TRAPPC12: variants seen among roughly 807,000 people sequenced by gnomAD.
TRAPPC12 encodes the protein TPR repeat protein 15.
Under a neutral mutation model 69.2 loss-of-function variants are expected in TRAPPC12, and 61 were observed. The ratio of observed to expected loss-of-function variants is 0.88; its 90% confidence interval spans 0.72 to 1.09. TRAPPC12 has a LOEUF of 1.09. TRAPPC12 is among the 50% of genes least tolerant of loss of function. The pLI, the probability that TRAPPC12 is intolerant of heterozygous loss-of-function variation, is 0.00. For synonymous variants in TRAPPC12, 469 were observed against 438.9 expected (o/e 1.07, Z -0.86); for missense variants, 1,101 against 1,016.4 (o/e 1.08, Z -1.13).
chr2:3,471,062 A>G (rs898547950), intron 9 of TRAPPC12, among the ~76,000 whole-genome samples: 35 of 152,192 alleles, frequency 2.3e-4, no homozygotes. Context: ...GACCACACCA[A>G]CAGTTGCCCG....
intron 1 of TRAPPC12, among the ~76,000 whole-genome samples, chr2:3,384,787 G>A (rs551682307): frequency 1.3e-4 from 20 of 152,316 alleles, no homozygotes; most frequent in African/African-American, 4.3e-4. Context: ...ATTGGGTCAT[G>A]TGTCTTTTTT....
At chr2:3,434,238 A>T in intron 5 of TRAPPC12, among the ~76,000 whole-genome samples, 1 of 152,208 alleles carries the variant, frequency 6.6e-6, no homozygotes, top group African/African-American at 2.4e-5. Flanking sequence ...GGAGCTGCTG[A>T]GTAAATGTCA....
At chr2:3,403,457 C>T (rs1195008283) in intron 3 of TRAPPC12, among the ~76,000 whole-genome samples, 1 of 152,130 alleles carries the variant, frequency 6.6e-6, no homozygotes, top group African/African-American at 2.4e-5. Flanking sequence ...TCTTGAACTC[C>T]TGACCTCAGG....
chr2:3,471,174 C>T (rs189639015), intron 9 of TRAPPC12, among the ~76,000 whole-genome samples: 7 of 152,318 alleles, frequency 4.6e-5, no homozygotes, highest in African/African-American at 9.6e-5. Context: ...TATTTCAAAA[C>T]GTATTCTACT....
intron 6 of TRAPPC12, among the ~76,000 whole-genome samples, chr2:3,447,588 A>G (rs1483219323): frequency 6.6e-6 from 1 of 151,876 alleles, no homozygotes; most frequent in Non-Finnish European, 1.5e-5. Flanking sequence ...TGAGGGATCC[A>G]CCCCCAGGAC....
intron 9 of TRAPPC12, among the ~76,000 whole-genome samples, chr2:3,466,894 A>G (rs1665839010): frequency 2.0e-5 from 3 of 152,164 alleles, no homozygotes; most frequent in Non-Finnish European, 4.4e-5. Context: ...AGGCTGCCTC[A>G]TGTGTAACAT....
chr2:3,394,241 A>C (rs963145691), intron 2 of TRAPPC12, among the ~76,000 whole-genome samples: 1 of 152,156 alleles, frequency 6.6e-6, no homozygotes, highest in African/African-American at 2.4e-5. Context: ...GGGTTTAGTC[A>C]CTTGGCCACA....
At chr2:3,422,519 T>G (rs1000172997) in intron 4 of TRAPPC12, among the ~76,000 whole-genome samples, 8 of 152,230 alleles carry the variant, frequency 5.3e-5, no homozygotes, top group African/African-American at 2.4e-5. Context: ...CGTTGATACA[T>G]TCTTACCTTT....
chr2:3,412,817 G>C (rs908639353), intron 3 of TRAPPC12, among the ~76,000 whole-genome samples: 1 of 152,104 alleles, frequency 6.6e-6, no homozygotes, highest in Non-Finnish European at 1.5e-5. Context: ...TTTTAGACCT[G>C]GTCAGCACAC....
intron 5 of TRAPPC12, among the ~76,000 whole-genome samples, chr2:3,439,062 G>A (rs1358623373): frequency 6.6e-6 from 1 of 152,114 alleles, no homozygotes; most frequent in Non-Finnish European, 1.5e-5. Context: ...GCTTTCCTAA[G>A]AGCAATCAAT....
chr2:3,442,848 C>A (rs986308552), intron 5 of TRAPPC12, among the ~76,000 whole-genome samples: 3 of 152,240 alleles, frequency 2.0e-5, no homozygotes, highest in African/African-American at 7.2e-5. Flanking sequence ...ATCTTTCAGA[C>A]TATATTCCAG....
intron 5 of TRAPPC12, among the ~76,000 whole-genome samples, chr2:3,428,262 G>A (rs1003957910): frequency 3.9e-5 from 6 of 152,352 alleles, no homozygotes; most frequent in East Asian, 1.9e-4. Flanking sequence ...TTTAAATTAT[G>A]AAATAGACAT....
chr2:3,476,060 A>G (rs553746120), intron 9 of TRAPPC12, among the ~76,000 whole-genome samples: 1 of 152,288 alleles, frequency 6.6e-6, no homozygotes, highest in African/African-American at 2.4e-5. Context: ...CAAGTGGGAA[A>G]TCGATAGTAG....
chr2:3,460,415 T>A, intron 8 of TRAPPC12, 79 bp downstream of exon 8: 1 of 791,784 alleles, frequency 1.3e-6, no homozygotes, highest in Non-Finnish European at 2.2e-6. Context: ...GCCGCTGGTA[T>A]AATAGATGCT....
At chr2:3,452,760 G>A (rs182127316) in intron 6 of TRAPPC12, among the ~76,000 whole-genome samples, 3 of 152,314 alleles carry the variant, frequency 2.0e-5, no homozygotes, top group Admixed American at 6.5e-5. Flanking sequence ...ATTGCTCCCC[G>A]ATCCCACATA....
intron 3 of TRAPPC12, among the ~76,000 whole-genome samples, chr2:3,412,248 G>T (rs1399829895): frequency 6.8e-6 from 1 of 146,472 alleles, no homozygotes; most frequent in Non-Finnish European, 1.5e-5. Flanking sequence ...TTCACCATGA[G>T]CAGGAAAGGC....
At chr2:3,410,800 G>A (rs1314700485) in intron 3 of TRAPPC12, among the ~76,000 whole-genome samples, 1 of 152,208 alleles carries the variant, frequency 6.6e-6, no homozygotes, top group Non-Finnish European at 1.5e-5. Flanking sequence ...GGGAGGACGA[G>A]GCAGGCAGAT....
intron 6 of TRAPPC12, chr2:3,449,532 T>C (rs1664739703): frequency 6.6e-6 from 1 of 152,286 alleles, no homozygotes; most frequent in Non-Finnish European, 1.5e-5. Flanking sequence ...AATGTCCATG[T>C]AGCTTTTGCT....
chr2:3,409,330 A>G (rs902050532), intron 3 of TRAPPC12, among the ~76,000 whole-genome samples: 12 of 152,258 alleles, frequency 7.9e-5, no homozygotes, highest in Non-Finnish European at 1.5e-4. Context: ...CTGGAACTAT[A>G]GACAAATATT....
Sources: gnomAD v4.1 joint callset for allele counts (sites outside exome capture counted in the v4.1 genomes callset) on GRCh38, gnomAD v4.1.1 for gene constraint, MANE v1.5 for transcripts, NCBI Gene and HGNC (gene_info 2026-07-23, HGNC 2026-07-21) for gene names.